AUTS2: variants seen among roughly 807,000 people sequenced by gnomAD.
The protein encoded by AUTS2 is autism susceptibility gene 2 protein.
In AUTS2, 17 loss-of-function variants were observed where a neutral mutation model predicts 112.4. The observed-to-expected ratio is 0.15, with a 90% confidence interval of 0.10 to 0.23. The LOEUF is 0.23. Ranked by LOEUF, AUTS2 falls within the 10% of genes least tolerant of loss-of-function variation. AUTS2 has a pLI of 1.00. For missense variants in AUTS2, 1,510 were observed against 1,701.6 expected (o/e 0.89, Z 1.98); for synonymous variants, 751 against 702.7 (o/e 1.07, Z -1.09).
intron 5 of AUTS2, among the ~76,000 whole-genome samples, chr7:70,546,865 G>C (rs533254925): frequency 2.0e-5 from 3 of 152,170 alleles, no homozygotes; most frequent in Non-Finnish European, 4.4e-5. Flanking sequence ...TCTTATGTGG[G>C]CATTACCCAC....
intron 1 of AUTS2, among the ~76,000 whole-genome samples, chr7:69,753,714 G>A (rs960631352): frequency 6.6e-6 from 1 of 152,298 alleles, no homozygotes; most frequent in Non-Finnish European, 1.5e-5. Flanking sequence ...TTGGTATTTT[G>A]TCAAATGTTA....
chr7:69,801,856 T>G (rs1790099473), intron 1 of AUTS2, among the ~76,000 whole-genome samples: 1 of 152,030 alleles, frequency 6.6e-6, no homozygotes, highest in African/African-American at 2.4e-5. Context: ...AACTGGTAAG[T>G]GCTAGGAAGG....
chr7:70,754,467 C>T (rs1480552378), intron 6 of AUTS2, among the ~76,000 whole-genome samples: 1 of 152,174 alleles, frequency 6.6e-6, no homozygotes, highest in African/African-American at 2.4e-5. Flanking sequence ...CCAGCCTGGG[C>T]AACAGAGTGA....
chr7:70,003,529 A>G (rs1174634416), intron 2 of AUTS2, among the ~76,000 whole-genome samples: 12 of 125,284 alleles, frequency 9.6e-5, no homozygotes, highest in African/African-American at 3.5e-4. Context: ...AATATATATG[A>G]ATATGTTATA....
At chr7:69,665,272 C>T (rs142691852) in intron 1 of AUTS2, among the ~76,000 whole-genome samples, 374 of 152,150 alleles carry the variant, frequency 2.5e-3, no homozygotes, top group African/African-American at 8.5e-3. Flanking sequence ...TGTATAAATT[C>T]AAGGTAATGA....
At chr7:69,708,124 G>C (rs923528678) in intron 1 of AUTS2, among the ~76,000 whole-genome samples, 1 of 152,080 alleles carries the variant, frequency 6.6e-6, no homozygotes, top group African/African-American at 2.4e-5. Flanking sequence ...AGCTCAGTTT[G>C]TTCAAGTAAA....
chr7:70,036,100 C>T (rs928324513), intron 2 of AUTS2, among the ~76,000 whole-genome samples: 3 of 152,168 alleles, frequency 2.0e-5, no homozygotes, highest in Non-Finnish European at 4.4e-5. Context: ...AGCAGGCTGC[C>T]AAAAGGTAGC....
intron 4 of AUTS2, among the ~76,000 whole-genome samples, chr7:70,282,209 C>CT (rs1788250943): frequency 6.6e-6 from 1 of 152,118 alleles, no homozygotes; most frequent in Non-Finnish European, 1.5e-5. Flanking sequence ...TTCTAGCATG[C>CT]ACCTCAAAAC....
chr7:70,677,193 G>A (rs1807958685), intron 5 of AUTS2, among the ~76,000 whole-genome samples: 1 of 152,140 alleles, frequency 6.6e-6, no homozygotes, highest in South Asian at 2.1e-4. Flanking sequence ...CCCCAGCGCA[G>A]TAAACGTGGA....
At chr7:70,621,407 A>T (rs1804667210) in intron 5 of AUTS2, among the ~76,000 whole-genome samples, 1 of 152,208 alleles carries the variant, frequency 6.6e-6, no homozygotes, top group Non-Finnish European at 1.5e-5. Context: ...TGCCACCTGA[A>T]CCATTTTTAA....
Position 69,895,549 on chromosome 7 carries a change from C to T in AUTS2, c.310-3737C>T, listed in dbSNP as rs574751097. On this transcript the variant is annotated intron_variant, in intron 1 of 18. Coordinates refer to ENST00000342771, the MANE Select transcript of AUTS2 (RefSeq NM_015570.4). ...GATCCTCTCTCTCTCTTCTTCCCCC[C>T]CCCCGAGTGGAAAATCTCAATATTA... Among the ~76,000 whole-genome samples, 626 of 142,446 alleles carry T rather than the reference C, an allele frequency of 4.4e-3. 10 individuals are homozygous for T. Among genetic ancestry groups the T allele is most frequent in the Middle Eastern group, 0.015 (4 of 274 alleles). The allele number at this position is 142,446 out of a possible 152,430, so 93.5% of individuals were successfully genotyped here.
intron 4 of AUTS2, among the ~76,000 whole-genome samples, chr7:70,349,937 A>G (rs906442550): frequency 1.3e-5 from 2 of 152,240 alleles, no homozygotes; most frequent in African/African-American, 2.4e-5. Context: ...AATATGAAAT[A>G]GTATCAAGAA....
intron 6 of AUTS2, among the ~76,000 whole-genome samples, chr7:70,717,215 T>C (rs1810430144): frequency 6.6e-6 from 1 of 151,974 alleles, no homozygotes; most frequent in African/African-American, 2.4e-5. Flanking sequence ...CTGGCTAATT[T>C]TTTAATTTTC....
intron 1 of AUTS2, among the ~76,000 whole-genome samples, chr7:69,879,913 T>C (rs1036012033): frequency 1.3e-5 from 2 of 152,208 alleles, no homozygotes; most frequent in Admixed American, 6.5e-5. Context: ...AATTCTACCA[T>C]GTCAGCATCC....
At chr7:70,303,420 A>G (rs1205349303) in intron 4 of AUTS2, among the ~76,000 whole-genome samples, 8 of 129,946 alleles carry the variant, frequency 6.2e-5, no homozygotes, top group South Asian at 2.5e-4. Context: ...ACGCACACAC[A>G]CACGCGCGCG....
At chr7:70,271,994 A>G (rs1787715558) in intron 4 of AUTS2, among the ~76,000 whole-genome samples, 1 of 152,144 alleles carries the variant, frequency 6.6e-6, no homozygotes, top group Non-Finnish European at 1.5e-5. Context: ...ATCACCTTGA[A>G]CCTGGAGACT....
In AUTS2 at chr7:70,677,243, C is replaced by T. The variant is rs570463007; in HGVS notation, c.691-21326C>T. On this transcript the variant is annotated intron_variant, in intron 5 of 18. Transcript: ENST00000342771. ...AGTCCTTGGTTGTGTTTTCTTTTCA[C>T]GCCACGACATTCCCTCATCTCTTTG... Among the ~76,000 whole-genome samples the T allele has an allele frequency of 5.9e-5, 9 of 152,278 alleles. No individual in the cohort carries two copies. The South Asian group carries it at 6.2e-4, about 11-fold the overall frequency.
intron 4 of AUTS2, among the ~76,000 whole-genome samples, chr7:70,148,705 T>G (rs1219314370): frequency 6.6e-6 from 1 of 152,030 alleles, no homozygotes; most frequent in Non-Finnish European, 1.5e-5. Flanking sequence ...TGTTACTGAA[T>G]GCATAACTTT....
chr7:69,693,114 T>G (rs527774620), intron 1 of AUTS2, among the ~76,000 whole-genome samples: 1 of 152,222 alleles, frequency 6.6e-6, no homozygotes, highest in African/African-American at 2.4e-5. Flanking sequence ...GACTCTGTCA[T>G]TAATTACCTG....
Sources: allele counts gnomAD v4.1 joint callset (sites outside exome capture counted in the v4.1 genomes callset), GRCh38; gene constraint gnomAD v4.1.1; transcripts MANE v1.5; gene names NCBI Gene and HGNC (gene_info 2026-07-23, HGNC 2026-07-21).